The following PIP5K1B variants were observed in gnomAD, a reference collection of about 807,000 sequenced individuals.
PIP5K1B encodes the protein phosphatidylinositol 4-phosphate 5-kinase type-1 beta.
PIP5K1B carries 42 observed loss-of-function variants against 67.0 expected under a neutral mutation model. The ratio of observed to expected loss-of-function variants is 0.63; its 90% confidence interval spans 0.49 to 0.81. The LOEUF (loss-of-function observed/expected upper bound fraction) is 0.81. Ranked by LOEUF, PIP5K1B falls within the 30% of genes least tolerant of loss-of-function variation. PIP5K1B has a pLI of 0.00. For synonymous variants in PIP5K1B, 214 were observed against 231.4 expected, an observed-to-expected ratio of 0.92 and a Z score of 0.68; for missense variants, 459 against 646.3, an observed-to-expected ratio of 0.71 and a Z score of 3.14.
In PIP5K1B at chr9:68,892,938, C is replaced by T. The variant is rs554238168; in HGVS notation, c.472-1401C>T. 1.3e-3 allele frequency among the ~76,000 whole-genome samples: 202 copies of T among 151,964 alleles called. 1 individual carries two copies. The highest frequency in any genetic ancestry group is 1.9e-3 in the East Asian group (10 of 5,164). ...GAATACAAAAATTATCTGGGTGTGG[C>T]GGCACACACCTGTAGTCCCAGCTAC... On this transcript the variant is annotated intron_variant, in intron 7 of 15. Coordinates refer to ENST00000265382, the MANE Select transcript of PIP5K1B (RefSeq NM_003558.4).
At chr9:68,988,802 G>C (rs1314379789) in intron 14 of PIP5K1B, among the ~76,000 whole-genome samples, 2 of 151,666 alleles carry the variant, frequency 1.3e-5, no homozygotes, top group East Asian at 2.0e-4. Flanking sequence ...TACTTCTTAA[G>C]ATCTACACAA....
At chr9:68,976,950 G>A (rs1237972367) in intron 14 of PIP5K1B, among the ~76,000 whole-genome samples, 1 of 152,160 alleles carries the variant, frequency 6.6e-6, no homozygotes, top group Non-Finnish European at 1.5e-5. Context: ...AATTCCTGTT[G>A]CCTTCATGGT....
chr9:68,769,447 T>C (rs1156934043), intron 2 of PIP5K1B, among the ~76,000 whole-genome samples: 1 of 152,182 alleles, frequency 6.6e-6, no homozygotes, highest in Non-Finnish European at 1.5e-5. Context: ...GCATTTTCCC[T>C]TCCTTTTTGC....
intron 4 of PIP5K1B, among the ~76,000 whole-genome samples, chr9:68,832,626 G>A (rs1404449822): frequency 6.6e-6 from 1 of 152,194 alleles, no homozygotes; most frequent in African/African-American, 2.4e-5. Flanking sequence ...CTCTGTGGGG[G>A]CTGTGAAATT....
At chr9:68,934,057 C>T (rs1244410601) in intron 12 of PIP5K1B, among the ~76,000 whole-genome samples, 1 of 152,162 alleles carries the variant, frequency 6.6e-6, no homozygotes, top group Admixed American at 6.5e-5. Context: ...CTCAACTTCC[C>T]TCTCCCCCTC....
intron 2 of PIP5K1B, among the ~76,000 whole-genome samples, chr9:68,811,462 A>T (rs374681712): frequency 1.2e-4 from 19 of 152,126 alleles, no homozygotes; most frequent in African/African-American, 4.1e-4. Flanking sequence ...GATGAGAAAA[A>T]CCAGGATGTT....
intron 8 of PIP5K1B, among the ~76,000 whole-genome samples, chr9:68,905,618 A>T (rs1040495744): frequency 6.6e-6 from 1 of 152,186 alleles, no homozygotes; most frequent in Admixed American, 6.5e-5. Context: ...GTGCCTTGTG[A>T]TACATTACCC....
At chr9:68,767,136 T>A (rs934001189) in intron 2 of PIP5K1B, among the ~76,000 whole-genome samples, 3 of 152,228 alleles carry the variant, frequency 2.0e-5, no homozygotes, top group African/African-American at 7.2e-5. Context: ...CAACTTTTTC[T>A]AAGTATAGAG....
At chr9:68,885,258 C>T (rs919471558) in intron 6 of PIP5K1B, among the ~76,000 whole-genome samples, 17 of 152,018 alleles carry the variant, frequency 1.1e-4, no homozygotes, top group African/African-American at 4.1e-4. Flanking sequence ...CTAGAAAAAT[C>T]GAACTCATTG....
At position 68,822,689 on chromosome 9, in the gene PIP5K1B, T is replaced by G; in HGVS notation, c.69+6T>G. 2 of 1,602,028 alleles carry G rather than the reference T, an allele frequency of 1.2e-6. No homozygotes were observed. Among genetic ancestry groups the G allele is most frequent in the South Asian group, 2.2e-5 (2 of 90,358 alleles). ...AAGAAAAAACCTATAAAAAGGTGAGTGTGCATTTTATTTTCTAAAGAGGAA... is the reference window on the plus strand; with the variant it reads ...AAGAAAAAACCTATAAAAAGGTGAGGGTGCATTTTATTTTCTAAAGAGGAA... On this transcript the variant is annotated splice_donor_region_variant and intron_variant, in intron 4 of 15. Transcript: ENST00000265382.
chr9:68,779,930 A>G (rs1363054986), intron 2 of PIP5K1B: 2 of 472,920 alleles, frequency 4.2e-6, no homozygotes, highest in Non-Finnish European at 7.2e-6. Flanking sequence ...TATACGGACT[A>G]GCGGCCCGAC....
At chr9:68,903,593 G>C (rs542124640) in intron 8 of PIP5K1B, among the ~76,000 whole-genome samples, 1 of 152,130 alleles carries the variant, frequency 6.6e-6, no homozygotes, top group African/African-American at 2.4e-5. Context: ...GGCTTTTGCC[G>C]CTTGCTGCAG....
In PIP5K1B at chr9:68,822,600, G is replaced by A. The variant is rs1483478427; in HGVS notation, c.1-15G>A. The A allele has an allele frequency of 1.9e-6, 3 of 1,596,286 alleles. No homozygotes were observed. The East Asian group carries it at 6.7e-5, about 36-fold the overall frequency. Reference sequence around the variant, plus strand: ...GTAACATTGAAGTTCAAAGGGCAGTGTGTTTCTCTTGTAGATGTCTTCTGC... The same window carrying A: ...GTAACATTGAAGTTCAAAGGGCAGTATGTTTCTCTTGTAGATGTCTTCTGC... On this transcript the variant is annotated splice_polypyrimidine_tract_variant and intron_variant, in intron 3 of 15. Coordinates refer to ENST00000265382, the MANE Select transcript of PIP5K1B (RefSeq NM_003558.4).
At chr9:68,876,899 TG>T in intron 6 of PIP5K1B, 105 bp downstream of exon 6, 1 of 676,230 alleles carries the variant, frequency 1.5e-6, no homozygotes, top group South Asian at 1.8e-5. Context: ...TATAAAGCTC[TG>T]GGGCGTAGTA....
Position 68,829,056 on chromosome 9 carries a change from C to T in PIP5K1B, c.69+6373C>T, listed in dbSNP as rs1834144297. 2.0e-5 allele frequency among the ~76,000 whole-genome samples: 3 copies of T among 152,206 alleles called. No individual in the cohort carries two copies. In the South Asian group the frequency reaches 6.2e-4, roughly 32 times the overall value. On this transcript the variant is annotated intron_variant, in intron 4 of 15. Transcript: ENST00000265382. ...GGCAGAGGTTGCAGTGAGCCGAGAT[C>T]ACGCCACTGCACTCCAGCCTGGGCG...
chr9:68,936,533 A>T (rs760377724), intron 13 of PIP5K1B, among the ~76,000 whole-genome samples: 2 of 152,180 alleles, frequency 1.3e-5, no homozygotes, highest in Non-Finnish European at 2.9e-5. Flanking sequence ...ATTTCCTGAA[A>T]ATGTCTTCTA....
At chr9:69,001,837 G>A (rs1564309578) in intron 15 of PIP5K1B, among the ~76,000 whole-genome samples, 1 of 152,198 alleles carries the variant, frequency 6.6e-6, no homozygotes, top group South Asian at 2.1e-4. Flanking sequence ...AGTCACTCAA[G>A]TGCTGAAAAG....
intron 3 of PIP5K1B, among the ~76,000 whole-genome samples, chr9:68,820,708 C>T (rs1799481749): frequency 6.6e-6 from 1 of 152,128 alleles, no homozygotes; most frequent in African/African-American, 2.4e-5. Flanking sequence ...GTTCTGCATG[C>T]AGTTTAAGGT....
At chr9:68,873,300 T>C (rs1377074571) in intron 5 of PIP5K1B, among the ~76,000 whole-genome samples, 278 of 148,480 alleles carry the variant, frequency 1.9e-3, no homozygotes, top group Non-Finnish European at 2.7e-3. Context: ...TTTTTTTTTT[T>C]TGTCTGAGAC....
Sources: allele counts gnomAD v4.1 joint callset (sites outside exome capture counted in the v4.1 genomes callset), GRCh38; gene constraint gnomAD v4.1.1; transcripts MANE v1.5; gene names NCBI Gene and HGNC (gene_info 2026-07-23, HGNC 2026-07-21).